RALGAPA2: variants seen among roughly 807,000 people sequenced by gnomAD.
RALGAPA2 encodes the protein Ral GTPase activating protein catalytic subunit alpha 2.
Under a neutral mutation model 230.4 loss-of-function variants are expected in RALGAPA2, and 139 were observed. The ratio of observed to expected loss-of-function variants is 0.60; its 90% CI spans 0.53 to 0.69. The LOEUF (loss-of-function observed/expected upper bound fraction) is 0.69. Among genes scored for constraint, RALGAPA2 ranks in the 30% least tolerant of loss-of-function variants. RALGAPA2 has a pLI of 0.00. For missense variants in RALGAPA2, 2,163 were observed against 2,276.0 expected (o/e 0.95, Z 1.01); for synonymous variants, 847 against 837.8 (o/e 1.01, Z -0.19).
intron 32 of RALGAPA2, among the ~76,000 whole-genome samples, chr20:20,512,056 C>T (rs1348942120): frequency 6.6e-6 from 1 of 152,002 alleles, no homozygotes; most frequent in African/African-American, 2.4e-5. Context: ...GGCATGGTGG[C>T]AGGTGCCTGT....
chr20:20,438,461 A>C (rs2060662358), intron 37 of RALGAPA2, among the ~76,000 whole-genome samples: 1 of 152,212 alleles, frequency 6.6e-6, no homozygotes, highest in Admixed American at 6.5e-5. Flanking sequence ...CCATGGCACA[A>C]AGAAGGTTGA....
intron 31 of RALGAPA2, among the ~76,000 whole-genome samples, chr20:20,513,748 A>T (rs2062788254): frequency 1.3e-5 from 2 of 152,194 alleles, no homozygotes; most frequent in African/African-American, 4.8e-5. Flanking sequence ...AGCTGCAGGC[A>T]ATTCCTAGAT....
At position 20,396,610 on chromosome 20, in the gene RALGAPA2, G is replaced by A. The variant is rs1036482886; in HGVS notation, c.*35+85C>T. 2.1e-5 allele frequency: 28 copies of A among 1,304,206 alleles called. 1 individual carries two copies. The highest frequency in any genetic ancestry group is 4.2e-5 in the South Asian group (3 of 71,384). The allele number at this position is 1,304,206 out of a possible 1,614,324, so 80.8% of individuals were successfully genotyped here. On this transcript the variant is annotated intron_variant, in intron 39 of 39. Coordinates refer to ENST00000202677, the MANE Select transcript of RALGAPA2 (RefSeq NM_020343.4). The stretch of plus-strand genomic sequence containing the variant: ...GGCGAGGAGCACTGATGCAGGGTCC[G>A]CTACCGAGGGCAGCCGATTAGAAAA...
intron 1 of RALGAPA2, among the ~76,000 whole-genome samples, chr20:20,703,384 T>C (rs2069469542): frequency 6.6e-6 from 1 of 152,212 alleles, no homozygotes; most frequent in Admixed American, 6.5e-5. Flanking sequence ...AAAATTCCTA[T>C]TTTAACTTTA....
At chr20:20,519,932 C>T (rs1289307022) in intron 31 of RALGAPA2, among the ~76,000 whole-genome samples, 2 of 151,872 alleles carry the variant, frequency 1.3e-5, no homozygotes, top group Non-Finnish European at 2.9e-5. Flanking sequence ...AGTGCAGTGG[C>T]GCTGATCACA....
rs1051652326 is a variant in RALGAPA2 at position 20,524,267 on chromosome 20, T to G, written c.3900+139A>C. 5.7e-6 allele frequency: 7 copies of G among 1,230,884 alleles called. No individual in the cohort carries two copies. In the African/African-American group the frequency reaches 7.6e-5, roughly 13 times the overall value. 76.2% of individuals were successfully genotyped at this position (1,230,884 alleles called of 1,614,324 possible). ...TACCGTGCCCAGCCAAGTTATTTAC[T>G]TTTTAAGAAAACGTTTAAGCCACCA... On this transcript the variant is annotated intron_variant, in intron 30 of 39. Coordinates refer to ENST00000202677, the MANE Select transcript of RALGAPA2 (RefSeq NM_020343.4).
chr20:20,536,873 T>C (rs1389276918), intron 24 of RALGAPA2, 89 bp from the exon 25 acceptor site: 76 of 1,382,564 alleles, frequency 5.5e-5, no homozygotes, highest in Non-Finnish European at 7.2e-5. Context: ...TCATCCTAGA[T>C]AAAAAATACC....
At chr20:20,448,266 G>C (rs1408611537) in intron 37 of RALGAPA2, among the ~76,000 whole-genome samples, 1 of 152,200 alleles carries the variant, frequency 6.6e-6, no homozygotes, top group Non-Finnish European at 1.5e-5. Flanking sequence ...TCTAGGACTT[G>C]AGAGTACTTG....
chr20:20,607,572 G>C (rs936621596), intron 14 of RALGAPA2, among the ~76,000 whole-genome samples: 1 of 151,976 alleles, frequency 6.6e-6, no homozygotes, highest in African/African-American at 2.4e-5. Flanking sequence ...TTGCCATAAC[G>C]TACCTATAGA....
At chr20:20,682,324 G>C (rs1178428112) in intron 1 of RALGAPA2, among the ~76,000 whole-genome samples, 3 of 152,178 alleles carry the variant, frequency 2.0e-5, no homozygotes, top group Non-Finnish European at 4.4e-5. Flanking sequence ...ACCTTCCTAT[G>C]ATCTATACAA....
intron 14 of RALGAPA2, among the ~76,000 whole-genome samples, chr20:20,609,851 C>T (rs930506614): frequency 1.3e-5 from 2 of 152,320 alleles, no homozygotes; most frequent in Non-Finnish European, 2.9e-5. Flanking sequence ...CAAAGCTGGA[C>T]ACATGCAAAA....
intron 18 of RALGAPA2, among the ~76,000 whole-genome samples, chr20:20,586,296 T>C (rs372281024): frequency 2.0e-5 from 3 of 152,096 alleles, no homozygotes; most frequent in South Asian, 4.1e-4. Context: ...GTAAATCCAA[T>C]AGTACCACTG....
intron 1 of RALGAPA2, among the ~76,000 whole-genome samples, chr20:20,706,578 T>C (rs2147026338): frequency 6.6e-6 from 1 of 152,346 alleles, no homozygotes; most frequent in East Asian, 1.9e-4. Context: ...TTGTTTATCG[T>C]CTGCCCATGC....
chr20:20,503,480 G>A lies in RALGAPA2; in HGVS notation c.5079C>T (p.Phe1693=), dbSNP rs756823716. ...WEVDLSTHCG[F]MGGLQRNGST... is the part of the protein sequence containing the mutation. ...TGCCATTGCGCTGAAGGCCACCCAT[G>A]AACCCACAGTGGGTGGAGAGATCCA... The change falls in exon 35 of 40, where the codon TTC becomes TTT. Residue 1693 remains phenylalanine (F), a synonymous_variant. Coordinates refer to ENST00000202677, the MANE Select transcript of RALGAPA2 (RefSeq NM_020343.4). 19 of 1,596,764 alleles carry A rather than the reference G, an allele frequency of 1.2e-5. No individual in the cohort carries two copies. The highest frequency in any genetic ancestry group is 2.3e-5 in the South Asian group (2 of 88,856).
chr20:20,594,941 C>T (rs996265543), intron 16 of RALGAPA2, among the ~76,000 whole-genome samples: 2 of 151,946 alleles, frequency 1.3e-5, no homozygotes, highest in Admixed American at 6.6e-5. Context: ...AGGGTGGTCT[C>T]GATCTCCTGA....
chr20:20,449,333 T>C (rs1185623182), intron 37 of RALGAPA2, among the ~76,000 whole-genome samples: 5 of 152,184 alleles, frequency 3.3e-5, no homozygotes, highest in African/African-American at 1.2e-4. Flanking sequence ...AGGAAAGCTG[T>C]GTGAGTCTAC....
rs2059624482 is a variant in RALGAPA2 at position 20,392,707 on chromosome 20, T to G, written c.*582A>C. On this transcript the variant is annotated 3_prime_UTR_variant, in exon 40 of 40. Transcript: ENST00000202677. ...AGACCCCGGGGAAAGCCAATTTCCA[T>G]GATGATGAAATTTTTGAGTAAACCA... The G allele has an allele frequency of 3.1e-5, 5 of 160,390 alleles. No individual in the cohort carries two copies. The highest frequency in any genetic ancestry group is 2.9e-4 in the Admixed American group (5 of 17,074). 9.9% of individuals were successfully genotyped at this position (160,390 alleles called of 1,614,324 possible). A position where few individuals can be genotyped will look rare whatever the true frequency, so the allele number is the denominator to read the frequency against.
At chr20:20,496,955 G>A (rs959338208) in intron 35 of RALGAPA2, among the ~76,000 whole-genome samples, 5 of 152,172 alleles carry the variant, frequency 3.3e-5, no homozygotes, top group African/African-American at 1.2e-4. Context: ...TGTGGGCTCT[G>A]GGACAAATGC....
chr20:20,458,729 CA>C (rs2123246341), intron 37 of RALGAPA2, among the ~76,000 whole-genome samples: 3 of 100,824 alleles, frequency 3.0e-5, no homozygotes, highest in South Asian at 3.1e-4. Flanking sequence ...TATATATATA[CA>C]CACACCTATA....
Sources: gnomAD v4.1 joint callset for allele counts (sites outside exome capture counted in the v4.1 genomes callset) on GRCh38, gnomAD v4.1.1 for gene constraint, MANE v1.5 for transcripts, NCBI Gene and HGNC (gene_info 2026-07-23, HGNC 2026-07-21) for gene names.